Variants in EVC2 observed in about 807,000 individuals in gnomAD.
The protein encoded by EVC2 is limbin.
A neutral mutation model predicts 149.3 loss-of-function variants in EVC2; 148 were observed. The ratio of observed to expected loss-of-function variants is 0.99; its 90% CI spans 0.87 to 1.14. EVC2 has a LOEUF of 1.14. Among genes scored for constraint, EVC2 ranks in the 50% most tolerant of loss-of-function variants. EVC2 has a pLI of 0.00. For synonymous variants in EVC2, 776 were observed against 649.9 expected (o/e 1.19, Z -2.95); for missense variants, 1,854 against 1,627.3 (o/e 1.14, Z -2.40).
intron 19 of EVC2, 109 bp downstream of exon 19, chr4:5,574,576 G>C (rs1043637266): frequency 1.6e-5 from 18 of 1,113,220 alleles, no homozygotes; most frequent in African/African-American, 7.7e-5. Flanking sequence ...CAGGTTCCAA[G>C]GCTGGCTTTT....
At chr4:5,632,994 T>TC (rs1402024684) in intron 10 of EVC2, among the ~76,000 whole-genome samples, 2 of 152,212 alleles carry the variant, frequency 1.3e-5, no homozygotes, top group African/African-American at 4.8e-5. Context: ...GCTGAGGGTG[T>TC]CTTGATGATG....
At position 5,691,264 on chromosome 4, in the gene EVC2, C is replaced by T. The variant is rs1339651649; in HGVS notation, c.519+1G>A. The T allele has an allele frequency of 1.9e-6, 3 of 1,612,968 alleles. No homozygotes were observed. In the South Asian group the frequency reaches 3.3e-5, roughly 18 times the overall value. ...AATATACACCACCAGTGGAAACTTACCAGTGCACATTTCTGAAAAATTACT... is the reference window on the plus strand; with the variant it reads ...AATATACACCACCAGTGGAAACTTATCAGTGCACATTTCTGAAAAATTACT... On this transcript the variant is annotated splice_donor_variant, in intron 4 of 21. Coordinates refer to ENST00000344408, the MANE Select transcript of EVC2 (RefSeq NM_147127.5). LOFTEE classifies it high-confidence loss of function.
chr4:5,675,762 T>C (rs568389083), intron 7 of EVC2, among the ~76,000 whole-genome samples: 1 of 152,182 alleles, frequency 6.6e-6, no homozygotes, highest in Admixed American at 6.5e-5. Context: ...CTGACCAACA[T>C]GGTGAAACTC....
At chr4:5,580,216 G>T (rs986775757) in intron 17 of EVC2, among the ~76,000 whole-genome samples, 6 of 152,212 alleles carry the variant, frequency 3.9e-5, no homozygotes, top group African/African-American at 1.4e-4. Flanking sequence ...GCAAATTGCA[G>T]AATGCAAGTC....
intron 9 of EVC2, among the ~76,000 whole-genome samples, chr4:5,651,509 T>G (rs1036455177): frequency 3.3e-5 from 5 of 151,992 alleles, no homozygotes; most frequent in African/African-American, 1.2e-4. Flanking sequence ...GATGGATGGA[T>G]TAGTGGATGA....
intron 16 of EVC2, among the ~76,000 whole-genome samples, chr4:5,594,750 C>T (rs1365228253): frequency 6.6e-6 from 1 of 152,134 alleles, no homozygotes; most frequent in African/African-American, 2.4e-5. Flanking sequence ...GAGAAGAAGG[C>T]TTCAGACGAT....
Position 5,694,315 on chromosome 4 carries a change from G to C in EVC2, c.450+20C>G. 2 of 1,612,718 alleles carry C rather than the reference G, an allele frequency of 1.2e-6. No homozygotes were observed. Among genetic ancestry groups the C allele is most frequent in the Non-Finnish European group, 1.7e-6 (2 of 1,179,122 alleles). On this transcript the variant is annotated intron_variant, in intron 3 of 21. Coordinates refer to ENST00000344408, the MANE Select transcript of EVC2 (RefSeq NM_147127.5). ...TCCAACTTCTGGTATTTGTGTTAAA[G>C]CATTGAACTTAATACTTACCAGGCG...
chr4:5,603,201 C>A (rs1193068409), intron 16 of EVC2, among the ~76,000 whole-genome samples: 6 of 152,156 alleles, frequency 3.9e-5, no homozygotes, highest in Non-Finnish European at 1.5e-5. Flanking sequence ...GAAGTCTGAC[C>A]ATGAGGCCTT....
In EVC2 at chr4:5,562,629, T is replaced by G; in HGVS notation, c.*219A>C. On this transcript the variant is annotated 3_prime_UTR_variant, in exon 22 of 22. Coordinates refer to ENST00000344408, the MANE Select transcript of EVC2 (RefSeq NM_147127.5). The surrounding 1 kb of genome is among the most constrained non-coding windows in gnomAD (Gnocchi z 4.3). ...GGGGAGGTGGGGCTGAAAGAAGGAG[T>G]GTTTATGTCCTTGTGATATGGAAGA... The G allele has an allele frequency of 7.1e-7, 1 of 1,413,356 alleles. No homozygotes were observed. The highest frequency in any genetic ancestry group is 9.2e-7 in the Non-Finnish European group (1 of 1,087,390). The allele number at this position is 1,413,356 out of a possible 1,614,324, so 87.6% of individuals were successfully genotyped here.
chr4:5,634,936 G>C (rs147858592), intron 10 of EVC2, among the ~76,000 whole-genome samples: 2 of 151,866 alleles, frequency 1.3e-5, no homozygotes, highest in African/African-American at 4.8e-5. Context: ...GCAGGAATAC[G>C]GACTCAACAC....
rs1424420454 is a variant in EVC2 at position 5,637,211 on chromosome 4, T to C, written c.1470+3303A>G. ...AAAAAGCATTGCCCCAGGCAGTCTT[T>C]TGATAGCAAAGCCACTAGAAACATT... On this transcript the variant is annotated intron_variant, in intron 10 of 21. Coordinates refer to ENST00000344408, the MANE Select transcript of EVC2 (RefSeq NM_147127.5). The surrounding 1 kb of genome is among the most constrained non-coding windows in gnomAD (Gnocchi z 4.4). Among the ~76,000 whole-genome samples, 3 of 152,188 alleles carry C rather than the reference T, an allele frequency of 2.0e-5. No homozygotes were observed. Among genetic ancestry groups the C allele is most frequent in the Admixed American group, 6.5e-5 (1 of 15,286 alleles).
At chr4:5,602,269 T>C (rs565944197) in intron 16 of EVC2, among the ~76,000 whole-genome samples, 1 of 120,972 alleles carries the variant, frequency 8.3e-6, no homozygotes, top group Non-Finnish European at 1.6e-5. Context: ...AACCCTGAGC[T>C]ACAGAGCAAG....
In EVC2 at chr4:5,696,511, A is replaced by G. The variant is rs1005180126; in HGVS notation, c.283+1082T>C. ...ACCCACGCTGAGCCCAGGGGCCTGC[A>G]CTGGAACTGTCACAGCCGCTGGGAA... On this transcript the variant is annotated intron_variant, in intron 2 of 21. Transcript: ENST00000344408. The surrounding 1 kb of genome is among the most constrained non-coding windows in gnomAD (Gnocchi z 4.1). Among the ~76,000 whole-genome samples, 4 of 152,214 alleles carry G rather than the reference A, an allele frequency of 2.6e-5. No homozygotes were observed. The highest frequency in any genetic ancestry group is 5.9e-5 in the Non-Finnish European group (4 of 68,036).
chr4:5,651,219 A>C (rs1003642028), intron 9 of EVC2, among the ~76,000 whole-genome samples: 2 of 149,722 alleles, frequency 1.3e-5, no homozygotes, highest in Non-Finnish European at 3.0e-5. Flanking sequence ...GCTGGATGGA[A>C]GATTGGATGG....
chr4:5,584,511 C>T, intron 17 of EVC2, 112 bp downstream of exon 17: 1 of 1,124,882 alleles, frequency 8.9e-7, no homozygotes, highest in Non-Finnish European at 1.3e-6. Context: ...CACCACAACC[C>T]CACAGCACAG....
intron 16 of EVC2, among the ~76,000 whole-genome samples, chr4:5,602,291 T>TAAAAAAAAAAAAA (rs571933194): frequency 2.4e-4 from 20 of 81,678 alleles, no homozygotes; most frequent in African/African-American, 4.5e-4. Flanking sequence ...CATTGCCTCT[T>TAAAAAAAAAAAAA]AAAAAAAAAA....
chr4:5,547,062 G>T (rs1307743974), intron 21 of EVC2, among the ~76,000 whole-genome samples: 1 of 152,206 alleles, frequency 6.6e-6, no homozygotes, highest in East Asian at 1.9e-4. Context: ...CTGCACTCTT[G>T]GGGGTCCAGG....
intron 9 of EVC2, among the ~76,000 whole-genome samples, chr4:5,654,434 C>T (rs891303054): frequency 6.6e-6 from 1 of 152,206 alleles, no homozygotes; most frequent in Non-Finnish European, 1.5e-5. Flanking sequence ...TCACTGGAGA[C>T]GCCTCTCCCT....
intron 7 of EVC2, among the ~76,000 whole-genome samples, chr4:5,672,358 G>C (rs1052411787): frequency 1.3e-5 from 2 of 152,232 alleles, no homozygotes; most frequent in Non-Finnish European, 2.9e-5. Flanking sequence ...AGGGAATCAG[G>C]GGAACAACTA....
Sources: gnomAD v4.1 joint callset for allele counts (sites outside exome capture counted in the v4.1 genomes callset) on GRCh38, gnomAD v4.1.1 for gene constraint, Gnocchi (gnomAD v3.1) non-coding constraint, MANE v1.5 for transcripts, NCBI Gene and HGNC (gene_info 2026-07-23, HGNC 2026-07-21) for gene names.